NFASC: variants seen among roughly 807,000 people sequenced by gnomAD.
NFASC encodes neurofascin homolog.
Under a neutral mutation model 147.5 loss-of-function variants are expected in NFASC, and 43 were observed. The ratio of observed to expected loss-of-function variants is 0.29; its 90% CI spans 0.23 to 0.38. The LOEUF (loss-of-function observed/expected upper bound fraction) is 0.38, where lower values mean the gene tolerates loss of function less well. NFASC is among the 10% of genes least tolerant of loss of function. NFASC has a pLI of 1.00. For missense variants in NFASC, 1,320 were observed against 1,689.0 expected, an observed-to-expected ratio of 0.78 and a Z score of 3.83; for synonymous variants, 622 against 665.5, an observed-to-expected ratio of 0.93 and a Z score of 1.01.
chr1:204,917,722 T>A (rs1004079881), intron 1 of NFASC, among the ~76,000 whole-genome samples: 1 of 152,230 alleles, frequency 6.6e-6, no homozygotes, highest in Non-Finnish European at 1.5e-5. Context: ...CTACTAGTCT[T>A]TGACACGACT....
At chr1:205,001,099 ATGTG>A in intron 25 of NFASC, 67 bp from the exon 26 acceptor site, 1 of 849,328 alleles carries the variant, frequency 1.2e-6, no homozygotes, top group Non-Finnish European at 2.0e-6. Context: ...GCTTGTGTGT[ATGTG>A]TGTGTCTCCA....
At chr1:205,003,714 T>G (rs1279499404) in intron 27 of NFASC, among the ~76,000 whole-genome samples, 1 of 152,146 alleles carries the variant, frequency 6.6e-6, no homozygotes, top group Non-Finnish European at 1.5e-5. Context: ...CACACAGTGA[T>G]TTACATGAAC....
intron 2 of NFASC, among the ~76,000 whole-genome samples, chr1:204,926,168 A>G (rs1327380190): frequency 2.6e-5 from 4 of 151,302 alleles, no homozygotes; most frequent in African/African-American, 9.7e-5. Context: ...TATTCCTTAA[A>G]CTTTTTACCT....
chr1:204,989,290 G>A, intron 23 of NFASC: 1 of 166,814 alleles, frequency 6.0e-6, no homozygotes, highest in South Asian at 1.4e-4. Context: ...CTGGCATCAT[G>A]AGTAGAGCAG....
chr1:205,009,189 A>G (rs1414599426), intron 27 of NFASC: 2 of 369,208 alleles, frequency 5.4e-6, no homozygotes, highest in Non-Finnish European at 1.0e-5. Context: ...GGGGAATCAT[A>G]CTTCCATGGC....
In NFASC at chr1:204,923,659, T is replaced by C. The variant is rs573782000; in HGVS notation, c.-91+2919T>C. On this transcript the variant is annotated intron_variant, in intron 2 of 29. Coordinates refer to ENST00000339876, the MANE Select transcript of NFASC (RefSeq NM_001005388.3). ...CTGTGGATCACTGAGGGTGGGACCA[T>C]GGAGCTTCATTAGGAACTGTCTTCC... Among the ~76,000 whole-genome samples the C allele has an allele frequency of 5.3e-5, 8 of 152,152 alleles. No homozygotes were observed. The South Asian group carries it at 1.5e-3, about 28-fold the overall frequency.
chr1:204,967,245 C>A (rs1372279478), intron 8 of NFASC, among the ~76,000 whole-genome samples: 1 of 152,172 alleles, frequency 6.6e-6, no homozygotes, highest in East Asian at 1.9e-4. Flanking sequence ...GTACTTCCTC[C>A]AGTTTCCCTT....
At chr1:204,901,057 A>G (rs1000922948) in intron 1 of NFASC, among the ~76,000 whole-genome samples, 1 of 152,084 alleles carries the variant, frequency 6.6e-6, no homozygotes, top group Non-Finnish European at 1.5e-5. Flanking sequence ...GGAGGCAAAG[A>G]GCACTCTTGA....
At chr1:205,004,823 G>C (rs1037048316) in intron 27 of NFASC, among the ~76,000 whole-genome samples, 2 of 152,184 alleles carry the variant, frequency 1.3e-5, no homozygotes, top group Non-Finnish European at 2.9e-5. Context: ...GAAGGAAATT[G>C]AAGGAAACCA....
chr1:204,861,995 G>A (rs915191336), intron 1 of NFASC, among the ~76,000 whole-genome samples: 29 of 152,128 alleles, frequency 1.9e-4, no homozygotes, highest in African/African-American at 6.3e-4. Context: ...ATTTTTAGTG[G>A]TGTTACCAGA....
chr1:204,913,144 A>C (rs917240145), intron 1 of NFASC, among the ~76,000 whole-genome samples: 1 of 121,204 alleles, frequency 8.3e-6, no homozygotes, highest in Non-Finnish European at 1.9e-5. Context: ...CATAGTAATA[A>C]ACATAAAAAT....
chr1:204,878,411 C>T (rs145057243), intron 1 of NFASC, among the ~76,000 whole-genome samples: 1 of 152,342 alleles, frequency 6.6e-6, no homozygotes, highest in East Asian at 1.9e-4. Context: ...TTTGCACTAA[C>T]TTAATAACTC....
At chr1:205,011,216 A>G (rs1283200940) in intron 28 of NFASC, among the ~76,000 whole-genome samples, 2 of 74,288 alleles carry the variant, frequency 2.7e-5, no homozygotes, top group South Asian at 4.5e-4. Context: ...GACCCCCCCC[A>G]AAACTCAACA....
intron 2 of NFASC, among the ~76,000 whole-genome samples, chr1:204,921,649 TG>T (rs2149449597): frequency 6.6e-6 from 1 of 152,302 alleles, no homozygotes; most frequent in South Asian, 2.1e-4. Flanking sequence ...CCACTTGCTT[TG>T]TGACCTTGGG....
Position 205,017,279 on chromosome 1 carries a change from T to C in NFASC, c.*740T>C, listed in dbSNP as rs1190739314. On this transcript the variant is annotated 3_prime_UTR_variant, in exon 30 of 30. Coordinates refer to ENST00000339876, the MANE Select transcript of NFASC (RefSeq NM_001005388.3). Reference sequence around the variant, plus strand: ...GGTTTGGTTGGGAGGTGTGTTTACCTCTTGCTCCTCATTCCTCCCCTGCCC... The same window carrying C: ...GGTTTGGTTGGGAGGTGTGTTTACCCCTTGCTCCTCATTCCTCCCCTGCCC... The C allele has an allele frequency of 6.4e-6, 1 of 157,066 alleles. No individual in the cohort carries two copies. Among genetic ancestry groups the C allele is most frequent in the African/African-American group, 2.4e-5 (1 of 41,474 alleles). The allele number at this position is 157,066 out of a possible 1,614,324, so 9.7% of individuals were successfully genotyped here.
intron 26 of NFASC, 147 bp downstream of exon 26, chr1:205,001,433 G>T: frequency 3.1e-6 from 2 of 635,506 alleles, no homozygotes; most frequent in Admixed American, 2.4e-5. Context: ...TAATGAAATC[G>T]ATATGCACTC....
intron 25 of NFASC, 71 bp downstream of exon 25, chr1:204,997,477 A>G: frequency 1.3e-6 from 2 of 1,514,958 alleles, no homozygotes; most frequent in African/African-American, 1.4e-5. Flanking sequence ...ACGAACCCAC[A>G]GGCTCCCCCA....
At chr1:204,907,928 C>T (rs2149287079) in intron 1 of NFASC, among the ~76,000 whole-genome samples, 1 of 145,698 alleles carries the variant, frequency 6.9e-6, no homozygotes, top group East Asian at 2.0e-4. Flanking sequence ...TACATACTAA[C>T]ACATAATGAG....
In NFASC at chr1:204,987,552, C is replaced by T; in HGVS notation, c.2593+12C>T. ...CAAATATGTGGCCTGTACGTTCTGC[C>T]CTTCCCTTTCTCTTAGATAATCTGG... On this transcript the variant is annotated intron_variant, in intron 22 of 29. Transcript: ENST00000339876. This position sits in a 1 kb window ranked among gnomAD's most constrained non-coding sequence, Gnocchi z 4.4. 1 of 1,613,988 alleles carries T rather than the reference C, an allele frequency of 6.2e-7. No individual in the cohort carries two copies. The highest frequency in any genetic ancestry group is 8.5e-7 in the Non-Finnish European group (1 of 1,179,938).
Sources: allele counts gnomAD v4.1 joint callset (sites outside exome capture counted in the v4.1 genomes callset), GRCh38; gene constraint gnomAD v4.1.1; non-coding constraint Gnocchi (gnomAD v3.1); transcripts MANE v1.5; gene names NCBI Gene and HGNC (gene_info 2026-07-23, HGNC 2026-07-21).